VWA8: variants seen among roughly 807,000 people sequenced by gnomAD.
VWA8 encodes von Willebrand factor A domain containing 8.
A neutral mutation model predicts 241.5 loss-of-function variants in VWA8; 221 were observed. The ratio of observed to expected loss-of-function variants is 0.91; its 90% CI spans 0.82 to 1.02. The LOEUF (loss-of-function observed/expected upper bound fraction) is 1.02, where lower values mean the gene tolerates loss of function less well. Among genes scored for constraint, VWA8 ranks in the 50% least tolerant of loss-of-function variants. VWA8 has a pLI of 0.00. For missense variants in VWA8, 2,322 were observed against 2,328.7 expected, an observed-to-expected ratio of 1.00 and a Z score of 0.06; for synonymous variants, 852 against 827.1, an observed-to-expected ratio of 1.03 and a Z score of -0.52.
At chr13:41,810,150 G>T (rs1870400121) in intron 17 of VWA8, among the ~76,000 whole-genome samples, 1 of 152,012 alleles carries the variant, frequency 6.6e-6, no homozygotes, top group South Asian at 2.1e-4. Flanking sequence ...ACTGTGGGTG[G>T]AAATGTAAAT....
intron 40 of VWA8, among the ~76,000 whole-genome samples, chr13:41,602,386 A>G (rs2044527243): frequency 1.3e-5 from 2 of 152,150 alleles, no homozygotes; most frequent in Admixed American, 6.6e-5. Flanking sequence ...CGCTAGCCAT[A>G]CAGCCCAGGA....
chr13:41,869,437 G>A (rs1470754513), intron 9 of VWA8, among the ~76,000 whole-genome samples: 1 of 151,520 alleles, frequency 6.6e-6, no homozygotes, highest in Non-Finnish European at 1.5e-5. Context: ...AGTTCGACAC[G>A]AGCCTGGCCA....
chr13:41,615,017 T>C lies in VWA8; in HGVS notation c.4679A>G (p.Asn1560Ser), dbSNP rs765754983. 3.0e-5 allele frequency: 49 copies of C among 1,613,742 alleles called. No homozygotes were observed. The Admixed American group carries it at 5.0e-4, about 16-fold the overall frequency. Residue 1560 changes from asparagine (N) to serine (S), a missense_variant, in exon 38 of 45, where the codon AAC becomes AGC. Asn to Ser is a conservative substitution (Grantham distance 46). Coordinates refer to ENST00000379310, the MANE Select transcript of VWA8 (RefSeq NM_015058.2). Reference protein sequence around the residue: ...SPKHGKEDPDNMPHVGGNTWA... With the variant: ...SPKHGKEDPDSMPHVGGNTWA... The stretch of plus-strand genomic sequence containing the variant: ...AGTGTTGCCGCCCACGTGAGGCATG[T>C]TGTCTGGGTCCTCCTTCCCGTGTTT...
At chr13:41,922,645 A>T (rs563951448) in intron 2 of VWA8, among the ~76,000 whole-genome samples, 53 of 152,362 alleles carry the variant, frequency 3.5e-4, no homozygotes, top group African/African-American at 1.3e-3. Context: ...GACACTTCTC[A>T]AAAGAAGACA....
intron 42 of VWA8, among the ~76,000 whole-genome samples, chr13:41,576,265 A>G (rs1272840129): frequency 6.6e-6 from 1 of 152,234 alleles, no homozygotes; most frequent in Non-Finnish European, 1.5e-5. Flanking sequence ...AGAATCTAAG[A>G]GAGTGCCTAG....
intron 26 of VWA8, among the ~76,000 whole-genome samples, chr13:41,708,412 G>A (rs1417367342): frequency 6.6e-6 from 1 of 152,070 alleles, no homozygotes; most frequent in Non-Finnish European, 1.5e-5. Context: ...ACATTAAAGA[G>A]AGATAATACA....
chr13:41,758,017 A>G (rs1014090583), intron 21 of VWA8, among the ~76,000 whole-genome samples: 1 of 151,628 alleles, frequency 6.6e-6, no homozygotes, highest in Non-Finnish European at 1.5e-5. Context: ...TGTAAACAAC[A>G]AAGAATACCT....
intron 21 of VWA8, among the ~76,000 whole-genome samples, chr13:41,746,684 T>A (rs755898943): frequency 2.6e-5 from 4 of 152,194 alleles, no homozygotes; most frequent in South Asian, 2.1e-4. Flanking sequence ...TCAAAGTAAG[T>A]GTAATATTCC....
At chr13:41,751,040 AT>A (rs1443072313) in intron 21 of VWA8, among the ~76,000 whole-genome samples, 1 of 152,210 alleles carries the variant, frequency 6.6e-6, no homozygotes, top group Non-Finnish European at 1.5e-5. Context: ...CAGTAATGGT[AT>A]TGATCTCATA....
chr13:41,570,878 G>A (rs765792800), intron 43 of VWA8, among the ~76,000 whole-genome samples, 172 bp from the exon 44 acceptor site: 17 of 152,286 alleles, frequency 1.1e-4, no homozygotes, highest in Middle Eastern at 6.8e-3. Context: ...ACAGTATACA[G>A]TGATATTTGT....
At chr13:41,801,026 C>T (rs921826140) in intron 17 of VWA8, among the ~76,000 whole-genome samples, 9 of 152,162 alleles carry the variant, frequency 5.9e-5, no homozygotes, top group East Asian at 3.9e-4. Context: ...TAAATTGTAA[C>T]TGAATTGGTA....
At chr13:41,697,276 T>A (rs9594611) in intron 29 of VWA8, among the ~76,000 whole-genome samples, 9 of 152,286 alleles carry the variant, frequency 5.9e-5, no homozygotes, top group African/African-American at 1.7e-4. Flanking sequence ...CCACCATTAT[T>A]TCTTAACTAG....
intron 12 of VWA8, among the ~76,000 whole-genome samples, chr13:41,852,513 A>G (rs956884185): frequency 1.3e-5 from 2 of 151,988 alleles, no homozygotes; most frequent in Non-Finnish European, 2.9e-5. Flanking sequence ...TTTTGGTATC[A>G]TCTCCAAAAT....
rs558922161 is a variant in VWA8 at position 41,583,114 on chromosome 13, C to G, written c.5271+4398G>C. Among the ~76,000 whole-genome samples the G allele has an allele frequency of 1.9e-4, 29 of 152,282 alleles. 1 individual carries two copies. The South Asian group carries it at 5.8e-3, about 31-fold the overall frequency. ...TAATTATAAGTAGAAATAACTCTTA[C>G]AGAATGTAAGGAGCTCCATCTTACC... is the stretch of plus-strand genomic sequence containing the variant. On this transcript the variant is annotated intron_variant, in intron 42 of 44. Transcript: ENST00000379310.
At chr13:41,619,826 G>C (rs2044645268) in intron 37 of VWA8, among the ~76,000 whole-genome samples, 1 of 152,144 alleles carries the variant, frequency 6.6e-6, no homozygotes, top group African/African-American at 2.4e-5. Context: ...AAGCCAACTT[G>C]ATCTTGGTGG....
At position 41,611,676 on chromosome 13, in the gene VWA8, C is replaced by G; in HGVS notation, c.4777G>C (p.Gly1593Arg). ...TGAGAGACCTGGTACACCGTATGGCCTGCATCCAGCCGGTAAGGGCCTCCT... is the reference window on the plus strand; with the variant it reads ...TGAGAGACCTGGTACACCGTATGGCGTGCATCCAGCCGGTAAGGGCCTCCT... ...GKGGPYRLDA[G>R]HTVYQVSQAE... The change falls in exon 39 of 45, where the codon GGC becomes CGC. Residue 1593 changes from glycine to arginine, a missense_variant. By Grantham distance (125) the Gly-to-Arg change is moderately radical. Coordinates refer to ENST00000379310, the MANE Select transcript of VWA8 (RefSeq NM_015058.2). The G allele has an allele frequency of 6.2e-7, 1 of 1,614,112 alleles. No homozygotes were observed. Among genetic ancestry groups the G allele is most frequent in the Non-Finnish European group, 8.5e-7 (1 of 1,179,996 alleles).
chr13:41,923,270 C>T (rs1175075936), intron 2 of VWA8, among the ~76,000 whole-genome samples: 1 of 152,110 alleles, frequency 6.6e-6, no homozygotes, highest in Admixed American at 6.5e-5. Flanking sequence ...GAACATCACA[C>T]ACCGGGGCTT....
chr13:41,707,344 G>T (rs1474050366), intron 26 of VWA8, among the ~76,000 whole-genome samples: 1 of 152,128 alleles, frequency 6.6e-6, no homozygotes. Flanking sequence ...GAATATGAAA[G>T]AAAACACATG....
intron 33 of VWA8, 57 bp downstream of exon 33, chr13:41,690,109 A>G: frequency 6.9e-7 from 1 of 1,458,130 alleles, no homozygotes; most frequent in African/African-American, 1.4e-5. Context: ...TCTAGAAGAC[A>G]GTATATGTAC....
Sources: gnomAD v4.1 joint callset for allele counts (sites outside exome capture counted in the v4.1 genomes callset) on GRCh38, gnomAD v4.1.1 for gene constraint, MANE v1.5 for transcripts, NCBI Gene and HGNC (gene_info 2026-07-23, HGNC 2026-07-21) for gene names.